FNBP1L: variants seen among roughly 807,000 people sequenced by gnomAD.
FNBP1L encodes the protein formin binding protein 1 like.
In FNBP1L, 36 loss-of-function variants were observed where a neutral mutation model predicts 91.2. The observed-to-expected ratio is 0.39, with a 90% CI of 0.30 to 0.52. The LOEUF is 0.52. FNBP1L is among the 20% of genes least tolerant of loss of function. The pLI is 0.66. For synonymous variants in FNBP1L, 242 were observed against 237.0 expected, an observed-to-expected ratio of 1.02 and a Z score of -0.19; for missense variants, 571 against 732.1, an observed-to-expected ratio of 0.78 and a Z score of 2.54.
intron 5 of FNBP1L, among the ~76,000 whole-genome samples, chr1:93,527,239 T>A (rs1671523352): frequency 6.6e-6 from 1 of 152,192 alleles, no homozygotes; most frequent in South Asian, 2.1e-4. Flanking sequence ...ATTGTAGTTT[T>A]AAATTGTATT....
rs891139471 is a variant in FNBP1L at position 93,507,481 on chromosome 1, C to G, written c.140+7898C>G. ...ACTTACCTATTAAAATTTATTTGAG[C>G]TAATAAGCATATTGTGTTAAAACTG... On this transcript the variant is annotated intron_variant, in intron 2 of 16. Transcript: ENST00000271234. 5.3e-5 allele frequency among the ~76,000 whole-genome samples: 8 copies of G among 152,108 alleles called. No individual in the cohort carries two copies. The East Asian group carries it at 1.2e-3, about 22-fold the overall frequency.
In FNBP1L at chr1:93,534,709, C is replaced by T; in HGVS notation, c.791C>T (p.Ser264Phe). The change falls in exon 9 of 17, where the codon TCT (serine) becomes TTT (phenylalanine). Residue 264 changes from serine to phenylalanine, a missense_variant. Physicochemically the swap from Ser to Phe is radical, Grantham distance 155 (BLOSUM62 -2). This residue lies in a region of FNBP1L where 220 missense variants were observed against 313.6 expected (regional missense o/e 0.70). Coordinates refer to ENST00000271234, the MANE Select transcript of FNBP1L (RefSeq NM_001164473.3). ...AACCTAGTTTCTTTTGTATAGGACT[C>T]TCAAATGGTGGTAGACTCCTTCAAA... ...AAKSVDERRDSQMVVDSFKSG... is the reference protein window; with the variant it reads ...AAKSVDERRDFQMVVDSFKSG... 6.4e-7 allele frequency: 1 copy of T among 1,562,444 alleles called. No homozygotes were observed. Among genetic ancestry groups the T allele is most frequent in the South Asian group, 1.2e-5 (1 of 84,950 alleles).
At chr1:93,535,831 A>C (rs1303738503) in intron 9 of FNBP1L, among the ~76,000 whole-genome samples, 1 of 152,026 alleles carries the variant, frequency 6.6e-6, no homozygotes, top group Non-Finnish European at 1.5e-5. Context: ...TAAAAAAAAA[A>C]AGGTGAAATA....
chr1:93,486,998 T>C (rs1669933720), intron 1 of FNBP1L, among the ~76,000 whole-genome samples: 1 of 152,204 alleles, frequency 6.6e-6, no homozygotes, highest in Non-Finnish European at 1.5e-5. Flanking sequence ...AAAAGTGATG[T>C]CCATGCTTAC....
At chr1:93,476,647 G>C (rs1447704696) in intron 1 of FNBP1L, among the ~76,000 whole-genome samples, 1 of 152,130 alleles carries the variant, frequency 6.6e-6, no homozygotes, top group Non-Finnish European at 1.5e-5. Flanking sequence ...CTGTGGAAAA[G>C]ATTGTAACAG....
chr1:93,448,605 C>T (rs866883390), intron 1 of FNBP1L, among the ~76,000 whole-genome samples: 114 of 152,236 alleles, frequency 7.5e-4, no homozygotes, highest in African/African-American at 2.6e-3. Context: ...CCTCTTGTTC[C>T]TTCTCCCTCC....
Position 93,544,177 on chromosome 1 carries a change from A to C in FNBP1L, c.1235A>C (p.Asp412Ala), listed in dbSNP as rs1227493612. Residue 412 changes from aspartate (D) to alanine (A), a missense_variant, in exon 12 of 17, where the codon GAT (aspartate) becomes GCT (alanine). By Grantham distance (126) the Asp-to-Ala change is moderately radical. Transcript: ENST00000271234. ...QRRKKLQQRI[D>A]ELNRELQKES... ...CGTAAAAAACTACAGCAGCGCATTG[A>C]TGAACTTAACAGAGAACTACAGAAA... 6.2e-7 allele frequency: 1 copy of C among 1,612,076 alleles called. No individual in the cohort carries two copies. Among genetic ancestry groups the C allele is most frequent in the Non-Finnish European group, 8.5e-7 (1 of 1,178,828 alleles).
rs189859039 is a variant in FNBP1L at position 93,507,712 on chromosome 1, G to C, written c.140+8129G>C. 3.3e-5 allele frequency among the ~76,000 whole-genome samples: 5 copies of C among 152,212 alleles called. No individual in the cohort carries two copies. The East Asian group carries it at 5.8e-4, about 18-fold the overall frequency. On this transcript the variant is annotated intron_variant, in intron 2 of 16. Coordinates refer to ENST00000271234, the MANE Select transcript of FNBP1L (RefSeq NM_001164473.3). ...CTCCCAGGCTGGAGTGAAGTGGTGC[G>C]ATCTTGGCTCAGTGCAACCTCCGCT...
chr1:93,469,519 GT>G (rs1669210927), intron 1 of FNBP1L, among the ~76,000 whole-genome samples: 1 of 152,066 alleles, frequency 6.6e-6, no homozygotes, highest in Non-Finnish European at 1.5e-5. Context: ...TGAAGTCTTT[GT>G]TATTGTGAAT....
At chr1:93,463,375 A>T (rs1668964296) in intron 1 of FNBP1L, among the ~76,000 whole-genome samples, 1 of 152,186 alleles carries the variant, frequency 6.6e-6, no homozygotes, top group African/African-American at 2.4e-5. Context: ...AACAAAAAAT[A>T]CATGTTTGTA....
intron 2 of FNBP1L, among the ~76,000 whole-genome samples, chr1:93,507,204 A>G (rs541898109): frequency 2.4e-5 from 3 of 124,042 alleles, no homozygotes; most frequent in African/African-American, 6.2e-5. Flanking sequence ...CAGCATATCT[A>G]TGGAATCTAT....
chr1:93,528,806 G>C (rs563126175), intron 5 of FNBP1L, among the ~76,000 whole-genome samples: 10 of 152,036 alleles, frequency 6.6e-5, no homozygotes, highest in Non-Finnish European at 1.5e-4. Flanking sequence ...ATTAACTGCA[G>C]TCAGTTTTAA....
At chr1:93,482,318 GT>G (rs1218479382) in intron 1 of FNBP1L, among the ~76,000 whole-genome samples, 1 of 151,954 alleles carries the variant, frequency 6.6e-6, no homozygotes, top group Non-Finnish European at 1.5e-5. Flanking sequence ...AATTATTACT[GT>G]AAACATATGA....
chr1:93,505,768 AC>A (rs1429971843), intron 2 of FNBP1L, among the ~76,000 whole-genome samples: 2 of 152,302 alleles, frequency 1.3e-5, no homozygotes, highest in East Asian at 3.9e-4. Flanking sequence ...CCTCTACTTT[AC>A]TTTTTACAAA....
chr1:93,511,458 A>C (rs571623381), intron 2 of FNBP1L, among the ~76,000 whole-genome samples: 2 of 152,314 alleles, frequency 1.3e-5, no homozygotes, highest in Admixed American at 6.5e-5. Flanking sequence ...GAAGGAAGCA[A>C]TAAACATGGA....
Position 93,543,254 on chromosome 1 carries a change from TTAAAA to T in FNBP1L, c.1165-849_1165-845del, listed in dbSNP as rs549596306. ...TAATCTGTAATATAAGTAACAGTGA[TTAAAA>T]TAACATTTAAGGGAAAAGGTGTCAT... On this transcript the variant is annotated intron_variant, in intron 11 of 16. Coordinates refer to ENST00000271234, the MANE Select transcript of FNBP1L (RefSeq NM_001164473.3). Among the ~76,000 whole-genome samples, 9 of 152,324 alleles carry T rather than the reference TTAAAA, an allele frequency of 5.9e-5. No homozygotes were observed. The East Asian group carries it at 1.2e-3, about 20-fold the overall frequency.
At chr1:93,460,252 C>CT (rs553485705) in intron 1 of FNBP1L, among the ~76,000 whole-genome samples, 101 of 152,268 alleles carry the variant, frequency 6.6e-4, no homozygotes, top group African/African-American at 2.4e-3. Flanking sequence ...AGAGTTCACA[C>CT]TTTCCATTCC....
At chr1:93,506,546 G>A (rs1029754226) in intron 2 of FNBP1L, among the ~76,000 whole-genome samples, 8 of 152,090 alleles carry the variant, frequency 5.3e-5, no homozygotes, top group African/African-American at 1.9e-4. Context: ...GTACTAGTCA[G>A]TGAGTCTCAG....
chr1:93,475,572 A>C (rs1669465874), intron 1 of FNBP1L, among the ~76,000 whole-genome samples: 2 of 152,132 alleles, frequency 1.3e-5, no homozygotes, highest in African/African-American at 4.8e-5. Context: ...CAAACTCCTT[A>C]TCTCCACCAC....
Sources: allele counts gnomAD v4.1 joint callset (sites outside exome capture counted in the v4.1 genomes callset), GRCh38; gene constraint gnomAD v4.1.1; regional missense constraint gnomAD v4.1.1; transcripts MANE v1.5; gene names NCBI Gene and HGNC (gene_info 2026-07-23, HGNC 2026-07-21).